The following MRAP2 variants were observed in gnomAD, a reference collection of about 807,000 sequenced individuals.
MRAP2 encodes melanocortin 2 receptor accessory protein 2.
Under a neutral mutation model 17.4 loss-of-function variants are expected in MRAP2, and 20 were observed. That is an observed-to-expected ratio of 1.15 (90% CI 0.81 to 1.67). MRAP2 has a LOEUF of 1.67. MRAP2 is among the 40% of genes most tolerant of loss of function. The probability of loss-of-function intolerance (pLI) is 0.00; values close to 1 mark genes in which losing one functional copy is unlikely to be tolerated. For missense variants in MRAP2, 238 were observed against 240.0 expected (o/e 0.99, Z 0.05); for synonymous variants, 96 against 88.4 (o/e 1.09, Z -0.48).
At chr6:84,134,156 A>G in the MRAP2 span, among the ~76,000 whole-genome samples, 1 of 152,104 alleles carries the variant, frequency 6.6e-6, no homozygotes, top group East Asian at 1.9e-4. Context: ...TGTTTATGCT[A>G]TGAGGGGAAA....
At chr6:84,113,128 G>C in the MRAP2 span, among the ~76,000 whole-genome samples, 1 of 152,160 alleles carries the variant, frequency 6.6e-6, no homozygotes, top group African/African-American at 2.4e-5. Context: ...GTCCAGAGCT[G>C]AGTTCGAGTC....
At chr6:84,128,436 C>T in the MRAP2 span, among the ~76,000 whole-genome samples, 5 of 152,006 alleles carry the variant, frequency 3.3e-5, no homozygotes, top group South Asian at 1.0e-3. Flanking sequence ...ACCTGCATGC[C>T]AACAATAGGG....
chr6:84,035,781 T>G (rs1432819943), intron 1 of MRAP2, among the ~76,000 whole-genome samples: 1 of 152,210 alleles, frequency 6.6e-6, no homozygotes, highest in African/African-American at 2.4e-5. Flanking sequence ...TCTGGAAAGC[T>G]GTTCGCTTCC....
the MRAP2 span, among the ~76,000 whole-genome samples, chr6:84,099,514 C>G: frequency 5.3e-5 from 8 of 152,146 alleles, no homozygotes; most frequent in African/African-American, 1.7e-4. Flanking sequence ...TTTGGGTCAT[C>G]AGGGCAGATT....
the MRAP2 span, among the ~76,000 whole-genome samples, chr6:84,130,997 C>A: frequency 6.6e-6 from 1 of 152,158 alleles, no homozygotes. Context: ...GCATTTAGTG[C>A]TATAAATTTC....
At chr6:84,124,289 A>G in the MRAP2 span, 1 of 152,222 alleles carries the variant, frequency 6.6e-6, no homozygotes, top group African/African-American at 2.4e-5. Flanking sequence ...TATTTACAAT[A>G]GCAAATTCAT....
intron 1 of MRAP2, among the ~76,000 whole-genome samples, chr6:84,041,271 A>T (rs1285473689): frequency 6.6e-6 from 1 of 152,242 alleles, no homozygotes; most frequent in Non-Finnish European, 1.5e-5. Flanking sequence ...GGGAACCTCC[A>T]CCTAGATTAC....
rs777763534 is a variant in MRAP2 at position 84,089,361 on chromosome 6, C to A, written c.498C>A (p.Ile166=). The change falls in exon 4 of 4, where the codon ATC becomes ATA. Residue 166 remains isoleucine (I), a synonymous_variant. Coordinates refer to ENST00000257776, the MANE Select transcript of MRAP2 (RefSeq NM_138409.4). ...TGAACAGGCTCATGAAGTTTGACAT[C>A]CCCAACTTTGTGAACACAGACCAGA... ...EELNRLMKFD[I]PNFVNTDQNY... is the part of the protein sequence containing the mutation. The A allele has an allele frequency of 1.2e-6, 2 of 1,614,158 alleles. No homozygotes were observed. The highest frequency in any genetic ancestry group is 1.7e-6 in the Non-Finnish European group (2 of 1,180,022).
At chr6:84,037,665 G>A (rs1001170810) in intron 1 of MRAP2, among the ~76,000 whole-genome samples, 2 of 152,180 alleles carry the variant, frequency 1.3e-5, no homozygotes, top group Non-Finnish European at 2.9e-5. Context: ...ATTTGAGTGC[G>A]GCGCAGGCAG....
At chr6:84,034,503 C>A (rs556481249) in intron 1 of MRAP2, among the ~76,000 whole-genome samples, 18 of 145,680 alleles carry the variant, frequency 1.2e-4, no homozygotes, top group African/African-American at 4.4e-4. Flanking sequence ...CCCGCTCCCC[C>A]CGCCCGCCCC....
At chr6:84,064,722 C>T (rs1044112221) in intron 3 of MRAP2, among the ~76,000 whole-genome samples, 5 of 152,168 alleles carry the variant, frequency 3.3e-5, no homozygotes, top group Admixed American at 6.5e-5. Flanking sequence ...CTGCTGACTT[C>T]GTGATCCGCC....
At chr6:84,131,782 T>G in the MRAP2 span, among the ~76,000 whole-genome samples, 1 of 152,218 alleles carries the variant, frequency 6.6e-6, no homozygotes, top group Non-Finnish European at 1.5e-5. Context: ...TGATGGGTTT[T>G]GACTCTTTAT....
chr6:84,046,060 A>C (rs111608012), intron 1 of MRAP2, among the ~76,000 whole-genome samples: 1 of 152,196 alleles, frequency 6.6e-6, no homozygotes, highest in African/African-American at 2.4e-5. Context: ...GTGAACCGCC[A>C]TGGAAGTGTC....
At chr6:84,126,442 C>G in the MRAP2 span, 1 of 1,594,416 alleles carries the variant, frequency 6.3e-7, no homozygotes, top group Non-Finnish European at 8.6e-7. Context: ...CTTTTCTAAG[C>G]CCACGAAATG....
intron 3 of MRAP2, among the ~76,000 whole-genome samples, chr6:84,064,704 G>C (rs191756752): frequency 6.6e-5 from 10 of 152,252 alleles, no homozygotes; most frequent in Middle Eastern, 3.4e-3. Flanking sequence ...AGCCAGGATG[G>C]TCTCGATCTG....
the MRAP2 span, among the ~76,000 whole-genome samples, chr6:84,123,626 A>G: frequency 6.6e-6 from 1 of 152,192 alleles, no homozygotes; most frequent in African/African-American, 2.4e-5. Flanking sequence ...TTAAAATGCT[A>G]GAAGAAAACC....
In MRAP2 at chr6:84,089,136, G is replaced by A. The variant is rs1305590768; in HGVS notation, c.273G>A (p.Val91=). The change falls in exon 4 of 4, where the codon GTG becomes GTA. Residue 91 remains valine, a synonymous_variant. Coordinates refer to ENST00000257776, the MANE Select transcript of MRAP2 (RefSeq NM_138409.4). ...SEKRFRMNSF[V]SDFGRPLEPD... ...AGAGATTCAGAATGAACAGCTTTGTGTCAGACTTTGGAAGACCTCTGGAGC... is the reference window on the plus strand; with the variant it reads ...AGAGATTCAGAATGAACAGCTTTGTATCAGACTTTGGAAGACCTCTGGAGC... 3.1e-6 allele frequency: 5 copies of A among 1,614,030 alleles called. No homozygotes were observed. Among genetic ancestry groups the A allele is most frequent in the Middle Eastern group, 1.6e-4 (1 of 6,082 alleles).
the MRAP2 span, among the ~76,000 whole-genome samples, chr6:84,117,156 G>A: frequency 6.6e-6 from 1 of 152,014 alleles, no homozygotes; most frequent in Admixed American, 6.6e-5. Flanking sequence ...CCAAGTAGCT[G>A]GTATTACAGG....
chr6:84,129,402 C>T, the MRAP2 span, among the ~76,000 whole-genome samples: 2 of 152,164 alleles, frequency 1.3e-5, no homozygotes, highest in Admixed American at 1.3e-4. Flanking sequence ...GAGATGGTAT[C>T]TCATTGTGGT....
Sources: gnomAD v4.1 joint callset for allele counts (sites outside exome capture counted in the v4.1 genomes callset) on GRCh38, gnomAD v4.1.1 for gene constraint, MANE v1.5 for transcripts, NCBI Gene and HGNC (gene_info 2026-07-23, HGNC 2026-07-21) for gene names.